The following GPC6 variants were observed in gnomAD, a reference collection of about 807,000 sequenced individuals.
GPC6 encodes glypican-6.
Under a neutral mutation model 55.2 loss-of-function variants are expected in GPC6, and 14 were observed. The ratio of observed to expected loss-of-function variants is 0.25; its 90% CI spans 0.17 to 0.40. The LOEUF (loss-of-function observed/expected upper bound fraction) is 0.40, where lower values mean the gene tolerates loss of function less well. Ranked by LOEUF, GPC6 falls within the 10% of genes least tolerant of loss-of-function variation. The pLI, the probability that GPC6 is intolerant of heterozygous loss-of-function variation, is 1.00. For synonymous variants in GPC6, 278 were observed against 259.6 expected (o/e 1.07, Z -0.68); for missense variants, 641 against 708.5 (o/e 0.90, Z 1.08).
the GPC6 span, among the ~76,000 whole-genome samples, chr13:93,217,460 A>G: frequency 1.3e-5 from 2 of 152,150 alleles, no homozygotes; most frequent in African/African-American, 4.8e-5. Context: ...TCGAGTGTAA[A>G]AGTAAAAATG....
intron 1 of GPC6, among the ~76,000 whole-genome samples, chr13:93,379,056 A>G (rs1281891934): frequency 6.6e-6 from 1 of 152,068 alleles, no homozygotes; most frequent in Non-Finnish European, 1.5e-5. Flanking sequence ...CTTATACAAT[A>G]AATTATACAG....
intron 1 of GPC6, among the ~76,000 whole-genome samples, chr13:93,295,290 CAAAAAAAAAAA>C (rs67379652): frequency 7.5e-5 from 5 of 66,684 alleles, no homozygotes; most frequent in Non-Finnish European, 1.0e-4. Context: ...GACCCTGTCT[CAAAAAAAAAAA>C]AAAAAAAAAA....
intron 6 of GPC6, among the ~76,000 whole-genome samples, chr13:94,347,091 A>AG (rs1468283090): frequency 6.6e-6 from 1 of 152,034 alleles, no homozygotes; most frequent in Admixed American, 6.5e-5. Flanking sequence ...TGTTCGTTGG[A>AG]GGTGAGCTCA....
At chr13:94,030,340 G>C (rs1594679572) in intron 4 of GPC6, among the ~76,000 whole-genome samples, 1 of 152,044 alleles carries the variant, frequency 6.6e-6, no homozygotes, top group Admixed American at 6.6e-5. Flanking sequence ...AGTCCTAGAT[G>C]TCTTTGAGAA....
At chr13:93,916,744 A>G (rs1487912943) in intron 3 of GPC6, among the ~76,000 whole-genome samples, 1 of 152,046 alleles carries the variant, frequency 6.6e-6, no homozygotes, top group Non-Finnish European at 1.5e-5. Context: ...CACTCTGAAA[A>G]ACAAGCAGTG....
intron 4 of GPC6, among the ~76,000 whole-genome samples, chr13:94,148,116 C>T (rs756049101): frequency 4.6e-5 from 7 of 152,180 alleles, no homozygotes; most frequent in African/African-American, 2.4e-5. Context: ...GTGGTCCTTA[C>T]CCATGTGTCC....
intron 1 of GPC6, among the ~76,000 whole-genome samples, chr13:93,313,368 C>T (rs1349689935): frequency 6.6e-6 from 1 of 151,892 alleles, no homozygotes; most frequent in East Asian, 1.9e-4. Context: ...GTATGCTTTT[C>T]TTTTGAAGTA....
intron 4 of GPC6, among the ~76,000 whole-genome samples, chr13:94,115,565 G>C (rs945632751): frequency 3.9e-5 from 6 of 152,094 alleles, no homozygotes; most frequent in Non-Finnish European, 7.4e-5. Flanking sequence ...AAACCAGCTA[G>C]TCATGACCAG....
At chr13:94,335,382 C>T (rs1877627865) in intron 6 of GPC6, among the ~76,000 whole-genome samples, 1 of 152,208 alleles carries the variant, frequency 6.6e-6, no homozygotes, top group Non-Finnish European at 1.5e-5. Context: ...CCGAGCCACA[C>T]TGGGTGGTAC....
rs566365309 is a variant in GPC6, at chr13:94,356,200, C to T, written c.1153-26214C>T. Among the ~76,000 whole-genome samples the T allele has an allele frequency of 2.3e-4, 35 of 152,272 alleles. 1 individual carries two copies. Among genetic ancestry groups the T allele is most frequent in the Admixed American group, 2.1e-3 (32 of 15,294 alleles). On this transcript the variant is annotated intron_variant, in intron 6 of 8. Transcript: ENST00000377047. Reference sequence around the variant, plus strand: ...CTTTATCCAGTCTATCCTTGATGGGCATTTAGGTTGATTCCATGTCTTTGC... The same window carrying T: ...CTTTATCCAGTCTATCCTTGATGGGTATTTAGGTTGATTCCATGTCTTTGC...
intron 4 of GPC6, among the ~76,000 whole-genome samples, chr13:94,181,674 G>A (rs767039304): frequency 3.9e-5 from 6 of 152,156 alleles, no homozygotes; most frequent in Non-Finnish European, 7.3e-5. Flanking sequence ...TTTGCACTTT[G>A]CCACCTGGCT....
At chr13:93,265,582 A>G (rs1282546953) in intron 1 of GPC6, among the ~76,000 whole-genome samples, 1 of 152,106 alleles carries the variant, frequency 6.6e-6, no homozygotes, top group Non-Finnish European at 1.5e-5. Flanking sequence ...AAGATATCTC[A>G]TTAAGCATAT....
intron 1 of GPC6, among the ~76,000 whole-genome samples, chr13:93,403,552 T>A (rs997895292): frequency 6.6e-6 from 1 of 152,210 alleles, no homozygotes; most frequent in Admixed American, 6.5e-5. Flanking sequence ...GTCAATGCTC[T>A]TTTGTAGATA....
intron 4 of GPC6, among the ~76,000 whole-genome samples, chr13:94,128,528 A>G (rs1012098144): frequency 1.3e-5 from 2 of 152,160 alleles, no homozygotes; most frequent in African/African-American, 2.4e-5. Context: ...TAGGTGACAT[A>G]GCAGTTGCTG....
intron 2 of GPC6, among the ~76,000 whole-genome samples, chr13:93,698,721 CACTT>C (rs1234319146): frequency 6.6e-6 from 1 of 151,876 alleles, no homozygotes; most frequent in South Asian, 2.1e-4. Context: ...TTTACTTACT[CACTT>C]ACCGATGGTT....
At chr13:93,518,416 A>T (rs1346200906) in intron 1 of GPC6, among the ~76,000 whole-genome samples, 1 of 151,904 alleles carries the variant, frequency 6.6e-6, no homozygotes, top group Non-Finnish European at 1.5e-5. Context: ...TCACACCTCT[A>T]TCAGACACCT....
chr13:94,253,283 G>T (rs1307911177), intron 4 of GPC6, among the ~76,000 whole-genome samples: 1 of 152,088 alleles, frequency 6.6e-6, no homozygotes, highest in Non-Finnish European at 1.5e-5. Flanking sequence ...AAAGAAGGGT[G>T]TTATTTAAAA....
At chr13:93,330,651 C>T (rs1879811732) in intron 1 of GPC6, among the ~76,000 whole-genome samples, 1 of 152,178 alleles carries the variant, frequency 6.6e-6, no homozygotes, top group South Asian at 2.1e-4. Flanking sequence ...GCATCATTTT[C>T]TCACTTGCGT....
Position 94,288,778 on chromosome 13 carries a change from T to TTA in GPC6, c.1008+2308_1008+2309dup, listed in dbSNP as rs1157842721. Among the ~76,000 whole-genome samples the TTA allele has an allele frequency of 3.5e-4, 26 of 73,900 alleles. No individual in the cohort carries two copies. In the South Asian group the frequency reaches 4.5e-3, roughly 13 times the overall value. 48.5% of individuals were successfully genotyped at this position (73,900 alleles called of 152,430 possible). On this transcript the variant is annotated intron_variant, in intron 5 of 8. Transcript: ENST00000377047. ...TATATAATAAATATATATATATTTG[T>TTA]TATATATATAATAAATATATATATT...
Sources: gnomAD v4.1 joint callset for allele counts (sites outside exome capture counted in the v4.1 genomes callset) on GRCh38, gnomAD v4.1.1 for gene constraint, MANE v1.5 for transcripts, NCBI Gene and HGNC (gene_info 2026-07-23, HGNC 2026-07-21) for gene names.